SGCD: variants seen among roughly 807,000 people sequenced by gnomAD.
The protein encoded by SGCD is delta-sarcoglycan.
A neutral mutation model predicts 36.6 loss-of-function variants in SGCD; 18 were observed. That is an observed-to-expected ratio of 0.49 (90% CI 0.34 to 0.73). The LOEUF is 0.73. SGCD is among the 30% of genes least tolerant of loss of function. The probability of loss-of-function intolerance (pLI) is 0.01; values close to 1 mark genes in which losing one functional copy is unlikely to be tolerated. For synonymous variants in SGCD, 133 were observed against 130.6 expected, an observed-to-expected ratio of 1.02 and a Z score of -0.12; for missense variants, 387 against 346.7, an observed-to-expected ratio of 1.12 and a Z score of -0.92.
chr5:156,187,596 T>C (rs898208070), intron 3 of SGCD, among the ~76,000 whole-genome samples: 3 of 152,172 alleles, frequency 2.0e-5, no homozygotes, highest in African/African-American at 7.2e-5. Flanking sequence ...ATACTGATAG[T>C]ACCTGTGGCA....
intron 3 of SGCD, among the ~76,000 whole-genome samples, chr5:156,435,872 T>A (rs190564309): frequency 1.2e-3 from 179 of 152,284 alleles, no homozygotes; most frequent in African/African-American, 4.2e-3. Context: ...AACCCTTAAC[T>A]CCCAATGTTT....
At chr5:156,423,324 AT>A (rs1231846172) in intron 3 of SGCD, among the ~76,000 whole-genome samples, 1 of 67,072 alleles carries the variant, frequency 1.5e-5, no homozygotes, top group South Asian at 5.3e-4. Flanking sequence ...AATATAATAT[AT>A]TTTATTATAA....
At chr5:155,788,319 G>T in the SGCD span, among the ~76,000 whole-genome samples, 1 of 151,984 alleles carries the variant, frequency 6.6e-6, no homozygotes, top group South Asian at 2.1e-4. Context: ...GATTTTAAAC[G>T]TTAAAAATGT....
At chr5:156,475,103 G>T (rs1285844893) in intron 3 of SGCD, among the ~76,000 whole-genome samples, 1 of 152,172 alleles carries the variant, frequency 6.6e-6, no homozygotes, top group Non-Finnish European at 1.5e-5. Flanking sequence ...ACCAGCCTCT[G>T]ACTATTCAAT....
chr5:156,649,812 G>T (rs1428080458), intron 7 of SGCD, among the ~76,000 whole-genome samples: 2 of 152,044 alleles, frequency 1.3e-5, no homozygotes, highest in African/African-American at 4.8e-5. Flanking sequence ...GTATACATAT[G>T]TAACAAACCT....
chr5:156,225,763 G>C (rs1438177349), intron 3 of SGCD, among the ~76,000 whole-genome samples: 1 of 152,062 alleles, frequency 6.6e-6, no homozygotes, highest in African/African-American at 2.4e-5. Flanking sequence ...ACTGACAGGA[G>C]AGAATTTTTG....
chr5:156,648,435 A>G (rs556259515), intron 7 of SGCD, among the ~76,000 whole-genome samples: 21 of 152,294 alleles, frequency 1.4e-4, no homozygotes, highest in Non-Finnish European at 2.9e-4. Context: ...GCTTTGCTTA[A>G]AAAGCAAGAG....
chr5:156,272,569 C>T (rs903533333), intron 3 of SGCD, among the ~76,000 whole-genome samples: 1 of 152,104 alleles, frequency 6.6e-6, no homozygotes, highest in Non-Finnish European at 1.5e-5. Context: ...GGATGAGATC[C>T]GCGTTATGAC....
intron 3 of SGCD, among the ~76,000 whole-genome samples, chr5:156,319,685 A>G (rs1180012641): frequency 6.6e-6 from 1 of 152,186 alleles, no homozygotes; most frequent in East Asian, 1.9e-4. Flanking sequence ...GCAGCTAGGT[A>G]TCAGAAAATG....
At chr5:156,020,775 A>G (rs527656619) in intron 1 of SGCD, among the ~76,000 whole-genome samples, 2 of 152,036 alleles carry the variant, frequency 1.3e-5, no homozygotes, top group Non-Finnish European at 2.9e-5. Flanking sequence ...ACTGTCTTAC[A>G]AGTGTTTCTC....
intron 1 of SGCD, among the ~76,000 whole-genome samples, chr5:156,026,519 G>A (rs1344446053): frequency 6.6e-6 from 1 of 152,204 alleles, no homozygotes; most frequent in African/African-American, 2.4e-5. Context: ...GTGACTTAAT[G>A]TACTTTCAAT....
At chr5:156,262,483 C>G (rs1765893357) in intron 3 of SGCD, among the ~76,000 whole-genome samples, 1 of 152,022 alleles carries the variant, frequency 6.6e-6, no homozygotes, top group Non-Finnish European at 1.5e-5. Flanking sequence ...ACAAAACCAC[C>G]TAATGATTTA....
intron 1 of SGCD, among the ~76,000 whole-genome samples, chr5:156,033,062 G>A (rs1004358961): frequency 1.3e-5 from 2 of 151,978 alleles, no homozygotes; most frequent in African/African-American, 4.8e-5. Context: ...GGGAGACAGA[G>A]TGAGACATCG....
At chr5:155,899,041 C>T (rs551589868) in intron 1 of SGCD, among the ~76,000 whole-genome samples, 7 of 152,226 alleles carry the variant, frequency 4.6e-5, no homozygotes, top group Admixed American at 6.5e-5. Context: ...AAAAGCTCCA[C>T]GCATTTGAGG....
At chr5:156,219,689 C>T (rs897876498) in intron 3 of SGCD, among the ~76,000 whole-genome samples, 1 of 152,202 alleles carries the variant, frequency 6.6e-6, no homozygotes, top group East Asian at 1.9e-4. Flanking sequence ...TTAGTGCTGT[C>T]TCTTAGTGAT....
intron 3 of SGCD, among the ~76,000 whole-genome samples, chr5:156,443,490 T>TG (rs1753595486): frequency 1.3e-5 from 2 of 152,072 alleles, no homozygotes; most frequent in African/African-American, 4.8e-5. Flanking sequence ...TCTGGGACTG[T>TG]GGGTGTTAGA....
chr5:155,882,358 C>T (rs997908530), intron 1 of SGCD, among the ~76,000 whole-genome samples: 4 of 152,138 alleles, frequency 2.6e-5, no homozygotes, highest in African/African-American at 9.7e-5. Flanking sequence ...AGATTACAGA[C>T]ATGAGCCACT....
intron 3 of SGCD, among the ~76,000 whole-genome samples, chr5:156,126,953 T>G (rs1762186822): frequency 6.6e-6 from 1 of 152,232 alleles, no homozygotes; most frequent in Non-Finnish European, 1.5e-5. Context: ...AATCTGTTTT[T>G]GTTTAATAAG....
the SGCD span, among the ~76,000 whole-genome samples, chr5:155,826,692 T>C: frequency 6.6e-6 from 1 of 152,266 alleles, no homozygotes. Flanking sequence ...TAAATGAAGT[T>C]ATGTTACTCA....
Sources: gnomAD v4.1 joint callset for allele counts (sites outside exome capture counted in the v4.1 genomes callset) on GRCh38, gnomAD v4.1.1 for gene constraint, MANE v1.5 for transcripts, NCBI Gene and HGNC (gene_info 2026-07-23, HGNC 2026-07-21) for gene names.